VGLL3: variants seen among roughly 807,000 people sequenced by gnomAD.
The protein encoded by VGLL3 is vestigial like family member 3, also known as transcription cofactor vestigial-like protein 3.
VGLL3 carries 18 observed loss-of-function variants against 29.2 expected under a neutral mutation model. The observed-to-expected ratio is 0.62, with a 90% CI of 0.43 to 0.91. VGLL3 has a LOEUF of 0.91. VGLL3 is among the 40% of genes least tolerant of loss of function. The pLI is 0.00. For missense variants in VGLL3, 440 were observed against 413.2 expected (o/e 1.06, Z -0.56); for synonymous variants, 180 against 151.8 (o/e 1.19, Z -1.36).
chr3:86,964,022 C>T (rs1316583582), intron 3 of VGLL3, among the ~76,000 whole-genome samples: 1 of 152,186 alleles, frequency 6.6e-6, no homozygotes, highest in African/African-American at 2.4e-5. Flanking sequence ...CAACTACCCA[C>T]AGGCCAAATT....
intron 2 of VGLL3, 36 bp downstream of exon 2, chr3:86,978,490 C>G (rs761209937): frequency 6.2e-6 from 10 of 1,601,118 alleles, no homozygotes; most frequent in Non-Finnish European, 8.5e-6. Flanking sequence ...GAAACAAAGA[C>G]AGTGCCCTGG....
At chr3:86,973,782 T>C (rs1705153794) in intron 2 of VGLL3, among the ~76,000 whole-genome samples, 1 of 152,158 alleles carries the variant, frequency 6.6e-6, no homozygotes, top group East Asian at 1.9e-4. Context: ...CTTTTTCCCA[T>C]GAGAATGAAT....
At chr3:86,972,529 G>A (rs1033895959) in intron 2 of VGLL3, among the ~76,000 whole-genome samples, 3 of 152,272 alleles carry the variant, frequency 2.0e-5, no homozygotes, top group African/African-American at 7.2e-5. Context: ...GATATGCTTT[G>A]TTTCATGCCT....
chr3:86,990,793 C>G lies in VGLL3; in HGVS notation c.-50G>C. ...CGAGCTGCCGCCGCCGCTCTACGCG[C>G]TGGCGCGAGGGGCGCGGGCGCCGCC... On this transcript the variant is annotated 5_prime_UTR_variant, in exon 1 of 4. Transcript: ENST00000398399. 2 of 1,253,786 alleles carry G rather than the reference C, an allele frequency of 1.6e-6. No individual in the cohort carries two copies. Among genetic ancestry groups the G allele is most frequent in the Non-Finnish European group, 2.0e-6 (2 of 994,402 alleles). The allele number at this position is 1,253,786 out of a possible 1,614,324, so 77.7% of individuals were successfully genotyped here.
intron 1 of VGLL3, among the ~76,000 whole-genome samples, chr3:86,979,214 A>G (rs190307077): frequency 6.6e-6 from 1 of 152,322 alleles, no homozygotes; most frequent in African/African-American, 2.4e-5. Context: ...ATGGTTTAGG[A>G]CAGAGAGGAA....
intron 1 of VGLL3, among the ~76,000 whole-genome samples, chr3:86,980,793 A>G (rs1454412097): frequency 2.6e-5 from 4 of 151,956 alleles, no homozygotes; most frequent in African/African-American, 9.7e-5. Flanking sequence ...CCATATGCAC[A>G]CACTCTCTGC....
intron 3 of VGLL3, among the ~76,000 whole-genome samples, chr3:86,967,662 C>G (rs182089893): frequency 2.6e-5 from 4 of 152,248 alleles, no homozygotes; most frequent in Admixed American, 6.5e-5. Flanking sequence ...AAAGAGAGTT[C>G]CAATGTGCCA....
chr3:86,990,834 G>T lies in VGLL3; in HGVS notation c.-91C>A, dbSNP rs1036062999. 1.7e-6 allele frequency: 2 copies of T among 1,183,102 alleles called. No homozygotes were observed. The highest frequency in any genetic ancestry group is 4.1e-5 in the East Asian group (1 of 24,608). The allele number at this position is 1,183,102 out of a possible 1,614,324, so 73.3% of individuals were successfully genotyped here. The stretch of plus-strand genomic sequence containing the variant: ...GGGCGCCGCCGCCGCCGCAGCTGCC[G>T]CCTCTGTCGCTGCTCCAGCTGCTAC... On this transcript the variant is annotated 5_prime_UTR_variant, in exon 1 of 4. Transcript: ENST00000398399.
chr3:86,977,491 C>A (rs1431321879), intron 2 of VGLL3, among the ~76,000 whole-genome samples: 1 of 152,228 alleles, frequency 6.6e-6, no homozygotes, highest in East Asian at 1.9e-4. Context: ...GTGATTCCCA[C>A]ACCTTCCTAT....
chr3:86,981,546 T>C (rs1247569357), intron 1 of VGLL3, among the ~76,000 whole-genome samples: 1 of 151,882 alleles, frequency 6.6e-6, no homozygotes, highest in Admixed American at 6.6e-5. Flanking sequence ...AATATTCCTT[T>C]TTGATATAGC....
chr3:86,961,892 A>G, intron 3 of VGLL3: 2 of 964,018 alleles, frequency 2.1e-6, no homozygotes, highest in Non-Finnish European at 2.5e-6. Context: ...GAGTGAAACA[A>G]TCTCCTGCTA....
intron 1 of VGLL3, among the ~76,000 whole-genome samples, chr3:86,982,301 T>C (rs1705342113): frequency 6.6e-6 from 1 of 152,050 alleles, no homozygotes; most frequent in African/African-American, 2.4e-5. Context: ...CCTGCCACGA[T>C]GCCCAGCTAA....
intron 2 of VGLL3, among the ~76,000 whole-genome samples, chr3:86,975,514 T>A (rs776827471): frequency 2.6e-4 from 40 of 151,936 alleles, no homozygotes; most frequent in Non-Finnish European, 5.0e-4. Context: ...TTTTATAAAT[T>A]AAAAAAAACT....
chr3:86,950,976 T>A (rs1279989323), intron 3 of VGLL3, among the ~76,000 whole-genome samples: 1 of 151,402 alleles, frequency 6.6e-6, no homozygotes. Context: ...AAACTGAGAG[T>A]CCTTAGACCC....
At chr3:86,975,090 G>A (rs993773515) in intron 2 of VGLL3, among the ~76,000 whole-genome samples, 5 of 152,160 alleles carry the variant, frequency 3.3e-5, no homozygotes, top group Admixed American at 3.3e-4. Flanking sequence ...ACATATTACA[G>A]TTGAGGAAGT....
Position 86,990,914 on chromosome 3 carries a change from G to A in VGLL3, c.-171C>T. On this transcript the variant is annotated 5_prime_UTR_variant, in exon 1 of 4. Coordinates refer to ENST00000398399, the MANE Select transcript of VGLL3 (RefSeq NM_016206.4). Reference sequence around the variant, plus strand: ...GGGCTCCGCGCGGGGCGCGGGGTCGGGAGGGACTGGCAATCAGCGGGGGCC... The same window carrying A: ...GGGCTCCGCGCGGGGCGCGGGGTCGAGAGGGACTGGCAATCAGCGGGGGCC... 1 of 1,109,178 alleles carries A rather than the reference G, an allele frequency of 9.0e-7. No homozygotes were observed. Among genetic ancestry groups the A allele is most frequent in the Non-Finnish European group, 1.1e-6 (1 of 906,032 alleles). The allele number at this position is 1,109,178 out of a possible 1,614,324, so 68.7% of individuals were successfully genotyped here.
chr3:86,950,822 G>A (rs1184960712), intron 3 of VGLL3, among the ~76,000 whole-genome samples: 3 of 152,100 alleles, frequency 2.0e-5, no homozygotes, highest in South Asian at 2.1e-4. Context: ...ACCCCCTGCC[G>A]GACTTCTCCA....
At chr3:86,961,202 C>T (rs979419438) in intron 3 of VGLL3, among the ~76,000 whole-genome samples, 5 of 151,868 alleles carry the variant, frequency 3.3e-5, no homozygotes, top group African/African-American at 1.2e-4. Flanking sequence ...CCATGAGCAG[C>T]TTGTGTTTAT....
intron 2 of VGLL3, among the ~76,000 whole-genome samples, chr3:86,973,496 T>C (rs1451654109): frequency 6.6e-6 from 1 of 152,206 alleles, no homozygotes; most frequent in African/African-American, 2.4e-5. Context: ...TCAGTAATTA[T>C]GCATTACCAT....
Sources: gnomAD v4.1 joint callset for allele counts (sites outside exome capture counted in the v4.1 genomes callset) on GRCh38, gnomAD v4.1.1 for gene constraint, MANE v1.5 for transcripts, NCBI Gene and HGNC (gene_info 2026-07-23, HGNC 2026-07-21) for gene names.